The following ADAMTS2 variants were observed in gnomAD, a reference collection of about 807,000 sequenced individuals.
ADAMTS2 encodes A disintegrin and metalloproteinase with thrombospondin motifs 2.
In ADAMTS2, 50 loss-of-function variants were observed where a neutral mutation model predicts 123.0. The ratio of observed to expected loss-of-function variants is 0.41; its 90% CI spans 0.32 to 0.51. The LOEUF (loss-of-function observed/expected upper bound fraction) is 0.51. Ranked by LOEUF, ADAMTS2 falls within the 20% of genes least tolerant of loss-of-function variation. ADAMTS2 has a pLI of 0.35. For synonymous variants in ADAMTS2, 678 were observed against 695.4 expected, an observed-to-expected ratio of 0.98 and a Z score of 0.39; for missense variants, 1,494 against 1,705.2, an observed-to-expected ratio of 0.88 and a Z score of 2.18.
At chr5:179,174,990 G>T (rs984069365) in intron 5 of ADAMTS2, among the ~76,000 whole-genome samples, 1 of 151,036 alleles carries the variant, frequency 6.6e-6, no homozygotes, top group Non-Finnish European at 1.5e-5. Flanking sequence ...GACCGTTCAT[G>T]TTCCTTTGGA....
intron 2 of ADAMTS2, among the ~76,000 whole-genome samples, chr5:179,301,195 G>A (rs78912572): frequency 6.6e-6 from 1 of 151,910 alleles, no homozygotes; most frequent in Non-Finnish European, 1.5e-5. Flanking sequence ...TTGCTCAGGG[G>A]CCCAGCCTGG....
chr5:179,161,175 C>T (rs1176995767), intron 5 of ADAMTS2, among the ~76,000 whole-genome samples: 2 of 152,204 alleles, frequency 1.3e-5, no homozygotes, highest in African/African-American at 2.4e-5. Context: ...TGCAGCTCAT[C>T]TCGAGTCCCT....
intron 4 of ADAMTS2, among the ~76,000 whole-genome samples, chr5:179,200,244 CTTTTTTTTT>C (rs1051856642): frequency 1.9e-4 from 20 of 103,690 alleles, no homozygotes; most frequent in African/African-American, 6.3e-4. Flanking sequence ...CCTTTCTTTC[CTTTTTTTTT>C]TTTTTTTTTT....
intron 2 of ADAMTS2, among the ~76,000 whole-genome samples, chr5:179,302,935 G>A (rs189911294): frequency 3.3e-5 from 5 of 151,290 alleles, no homozygotes; most frequent in East Asian, 2.0e-4. Flanking sequence ...GTGGGCGGGG[G>A]CGAGGGACAG....
rs1040202809 is a variant in ADAMTS2, at chr5:179,175,040, C to T, written c.975+6032G>A. ...TGCTTGGGTTCCGCAGCTGTCTCAGCCATTCTTGACCGTTCATGTTCCTTT... is the reference window on the plus strand; with the variant it reads ...TGCTTGGGTTCCGCAGCTGTCTCAGTCATTCTTGACCGTTCATGTTCCTTT... On this transcript the variant is annotated intron_variant, in intron 5 of 21. Coordinates refer to ENST00000251582, the MANE Select transcript of ADAMTS2 (RefSeq NM_014244.5). This position sits in a 1 kb window ranked among gnomAD's most constrained non-coding sequence, Gnocchi z 4.1. Among the ~76,000 whole-genome samples, 1 of 150,832 alleles carries T rather than the reference C, an allele frequency of 6.6e-6. No homozygotes were observed. Among genetic ancestry groups the T allele is most frequent in the Non-Finnish European group, 1.5e-5 (1 of 67,808 alleles).
intron 12 of ADAMTS2, among the ~76,000 whole-genome samples, chr5:179,137,261 C>T (rs892951037): frequency 6.6e-6 from 1 of 152,260 alleles, no homozygotes; most frequent in African/African-American, 2.4e-5. Context: ...GGGTCCCCAG[C>T]TGCCACACAA....
At chr5:179,280,472 C>T (rs1028471592) in intron 2 of ADAMTS2, among the ~76,000 whole-genome samples, 2 of 152,186 alleles carry the variant, frequency 1.3e-5, no homozygotes, top group Non-Finnish European at 2.9e-5. Context: ...TTATTCATCA[C>T]CCCAAAAAGA....
chr5:179,329,126 G>A lies in ADAMTS2; in HGVS notation c.534+14641C>T, dbSNP rs191600877. ...GCGGATCACGAGGTCAGGAGATGGA[G>A]ACCATCCTGGCTAACACGGTGAAAC... is the stretch of plus-strand genomic sequence containing the variant. On this transcript the variant is annotated intron_variant, in intron 2 of 21. Transcript: ENST00000251582. Among the ~76,000 whole-genome samples, 211 of 152,194 alleles carry A rather than the reference G, an allele frequency of 1.4e-3. 1 individual carries two copies. The highest frequency in any genetic ancestry group is 6.9e-3 in the Admixed American group (106 of 15,292).
chr5:179,244,766 G>A lies in ADAMTS2; in HGVS notation c.688+28145C>T, dbSNP rs1581216606. Among the ~76,000 whole-genome samples, 3 of 152,122 alleles carry A rather than the reference G, an allele frequency of 2.0e-5. No homozygotes were observed. In the South Asian group the frequency reaches 6.2e-4, roughly 32 times the overall value. On this transcript the variant is annotated intron_variant, in intron 3 of 21. Transcript: ENST00000251582. ...CAGGTGAACAGAAACACAGCTACTG[G>A]AGTAAAAAAATGACACCAGATGGGA...
At chr5:179,299,295 T>TGGGTGAATCACGAGGTCAGGAGATG (rs1561706678) in intron 2 of ADAMTS2, among the ~76,000 whole-genome samples, 1 of 78,046 alleles carries the variant, frequency 1.3e-5, no homozygotes. Context: ...TTTGGGAGGC[T>TGGGTGAATCACGAGGTCAGGAGATG]GAGGCGGGCG....
At chr5:179,200,724 G>C (rs1312540995) in intron 4 of ADAMTS2, among the ~76,000 whole-genome samples, 1 of 152,128 alleles carries the variant, frequency 6.6e-6, no homozygotes, top group Non-Finnish European at 1.5e-5. Context: ...TCACCCAAGG[G>C]AGAAGCTTTT....
At chr5:179,183,311 G>A (rs1764091636) in intron 4 of ADAMTS2, among the ~76,000 whole-genome samples, 2 of 152,230 alleles carry the variant, frequency 1.3e-5, no homozygotes, top group Non-Finnish European at 2.9e-5. Flanking sequence ...GGCTCATGGA[G>A]TCTGACCGAG....
In ADAMTS2 at chr5:179,189,078, C is replaced by T. The variant is rs956715562; in HGVS notation, c.892-7923G>A. ...ACAATCCTGCTGCGTGACTTGGGGC[C>T]AGTTACTTAACCTGTCTGGGCCTCA... On this transcript the variant is annotated intron_variant, in intron 4 of 21. Transcript: ENST00000251582. This position sits in a 1 kb window ranked among gnomAD's most constrained non-coding sequence, Gnocchi z 4.2. Among the ~76,000 whole-genome samples the T allele has an allele frequency of 1.2e-4, 19 of 152,152 alleles. No homozygotes were observed. The highest frequency in any genetic ancestry group is 4.6e-4 in the African/African-American group (19 of 41,426).
In ADAMTS2 at chr5:179,153,527, G is replaced by C. The variant is rs901870480; in HGVS notation, c.1479C>G (p.Arg493=). ...GLHYSMNEQC[R]FDFGLGYMMC... ...TCATGTAGCCCAGGCCGAAGTCAAAGCGGCATTGCTCGTTCATGGAGTAGT... is the reference window on the plus strand; with the variant it reads ...TCATGTAGCCCAGGCCGAAGTCAAACCGGCATTGCTCGTTCATGGAGTAGT... The change falls in exon 9 of 22, where the codon CGC becomes CGG. Residue 493 remains arginine (R), a synonymous_variant. Transcript: ENST00000251582. 1.2e-6 allele frequency: 2 copies of C among 1,610,806 alleles called. No individual in the cohort carries two copies. Among genetic ancestry groups the C allele is most frequent in the Non-Finnish European group, 1.7e-6 (2 of 1,179,890 alleles).
chr5:179,113,694 C>G lies in ADAMTS2; in HGVS notation c.*173G>C. ...TGGGCTGGGAAGCACACGTGCTAAC[C>G]TAGTTACCACATGCTCATGCCTATC... On this transcript the variant is annotated 3_prime_UTR_variant, in exon 22 of 22. Coordinates refer to ENST00000251582, the MANE Select transcript of ADAMTS2 (RefSeq NM_014244.5). 1.4e-6 allele frequency: 1 copy of G among 700,438 alleles called. No homozygotes were observed. Among genetic ancestry groups the G allele is most frequent in the South Asian group, 1.8e-5 (1 of 55,660 alleles). The allele number at this position is 700,438 out of a possible 1,614,324, so 43.4% of individuals were successfully genotyped here. A position where few individuals can be genotyped will look rare whatever the true frequency, so the allele number is the denominator to read the frequency against.
intron 2 of ADAMTS2, among the ~76,000 whole-genome samples, chr5:179,315,009 C>G (rs1756945873): frequency 6.6e-6 from 1 of 152,024 alleles, no homozygotes; most frequent in South Asian, 2.1e-4. Context: ...CTGGAAGGAA[C>G]CTGGAAGTGG....
chr5:179,132,353 G>T lies in ADAMTS2; in HGVS notation c.2210-43C>A. On this transcript the variant is annotated intron_variant, in intron 14 of 21. Transcript: ENST00000251582. The surrounding 1 kb of genome is among the most constrained non-coding windows in gnomAD (Gnocchi z 6.1). ...AGACACAGAAAACTGAGAAGGGAAG[G>T]CGCCGCTCAAATTCGCACCATGCAA... The T allele has an allele frequency of 1.9e-6, 3 of 1,592,920 alleles. No homozygotes were observed. The highest frequency in any genetic ancestry group is 1.7e-5 in the Admixed American group (1 of 59,786).
intron 10 of ADAMTS2, among the ~76,000 whole-genome samples, chr5:179,142,455 T>G (rs1249069138): frequency 6.6e-6 from 1 of 152,150 alleles, no homozygotes; most frequent in Non-Finnish European, 1.5e-5. Flanking sequence ...CCTGCCCCTG[T>G]GAAAGGTCTA....
chr5:179,290,009 C>T (rs1756140004), intron 2 of ADAMTS2, among the ~76,000 whole-genome samples: 2 of 152,214 alleles, frequency 1.3e-5, no homozygotes, highest in African/African-American at 4.8e-5. Context: ...AACCAGACAA[C>T]CGACATGAGT....
Sources: allele counts gnomAD v4.1 joint callset (sites outside exome capture counted in the v4.1 genomes callset), GRCh38; gene constraint gnomAD v4.1.1; non-coding constraint Gnocchi (gnomAD v3.1); transcripts MANE v1.5; gene names NCBI Gene and HGNC (gene_info 2026-07-23, HGNC 2026-07-21).